Variants in CPT1A observed in about 807,000 individuals in gnomAD.
CPT1A encodes the protein carnitine palmitoyltransferase 1A.
A neutral mutation model predicts 100.8 loss-of-function variants in CPT1A; 64 were observed. That is an observed-to-expected ratio of 0.63 (90% CI 0.52 to 0.78). The LOEUF is 0.78. Among genes scored for constraint, CPT1A ranks in the 30% least tolerant of loss-of-function variants. CPT1A has a pLI of 0.00. For missense variants in CPT1A, 802 were observed against 1,034.1 expected (o/e 0.78, Z 3.08); for synonymous variants, 363 against 396.0 (o/e 0.92, Z 0.99).
chr11:68,822,031 C>T (rs968722150), intron 1 of CPT1A, among the ~76,000 whole-genome samples: 3 of 152,044 alleles, frequency 2.0e-5, no homozygotes, highest in Non-Finnish European at 4.4e-5. Context: ...CATGGCTGGT[C>T]AAATGGTGCA....
At chr11:68,834,191 C>T (rs1042397492) in intron 1 of CPT1A, among the ~76,000 whole-genome samples, 2 of 152,184 alleles carry the variant, frequency 1.3e-5, no homozygotes, top group Non-Finnish European at 2.9e-5. Flanking sequence ...AATCCCAGCA[C>T]TTTGGGAGGC....
intron 14 of CPT1A, among the ~76,000 whole-genome samples, chr11:68,768,172 T>G (rs1594322394): frequency 7.3e-6 from 1 of 137,792 alleles, no homozygotes; most frequent in South Asian, 2.5e-4. Flanking sequence ...GCCTCCCGGG[T>G]TCACGCCATT....
At chr11:68,791,547 T>G (rs1351235410) in intron 9 of CPT1A, among the ~76,000 whole-genome samples, 1 of 152,116 alleles carries the variant, frequency 6.6e-6, no homozygotes, top group Non-Finnish European at 1.5e-5. Context: ...TTCTTTTTTG[T>G]TTTTTTGAGA....
At position 68,785,024 on chromosome 11, in the gene CPT1A, AG is replaced by A; in HGVS notation, c.968-15del. ...GCTGGATGGTGTCTGAGCCGGCCGC[AG>A]GTTGGAGACACAAAACCAAGAGTCC... On this transcript the variant is annotated splice_polypyrimidine_tract_variant and intron_variant, in intron 9 of 18. Coordinates refer to ENST00000265641, the MANE Select transcript of CPT1A (RefSeq NM_001876.4). 1 of 1,612,584 alleles carries A rather than the reference AG, an allele frequency of 6.2e-7. No individual in the cohort carries two copies. The highest frequency in any genetic ancestry group is 8.5e-7 in the Non-Finnish European group (1 of 1,179,812).
intron 5 of CPT1A, 94 bp downstream of exon 5, chr11:68,803,906 G>A: frequency 2.0e-6 from 2 of 1,007,044 alleles, no homozygotes. Context: ...GGCTACTTGA[G>A]CCAAATGGCG....
rs34276531 is a variant in CPT1A, at chr11:68,824,248, C to CAAA, written c.-13-8764_-13-8762dup. ...GGGGGACAAGAGCAAAGCTCCATCT[C>CAAA]AAAAAAAAAAAAAAAAAAGAGAAAA... On this transcript the variant is annotated intron_variant, in intron 1 of 18. Transcript: ENST00000265641. 4.9e-3 allele frequency among the ~76,000 whole-genome samples: 336 copies of CAAA among 69,078 alleles called. 6 individuals are homozygous for CAAA. Among genetic ancestry groups the CAAA allele is most frequent in the Middle Eastern group, 0.042 (4 of 96 alleles). The allele number at this position is 69,078 out of a possible 152,430, so 45.3% of individuals were successfully genotyped here.
In CPT1A at chr11:68,829,113, G is replaced by A. The variant is rs542313826; in HGVS notation, c.-14+12662C>T. 9.8e-4 allele frequency among the ~76,000 whole-genome samples: 149 copies of A among 152,234 alleles called. 1 individual carries two copies. The highest frequency in any genetic ancestry group is 3.5e-3 in the African/African-American group (145 of 41,524). On this transcript the variant is annotated intron_variant, in intron 1 of 18. Coordinates refer to ENST00000265641, the MANE Select transcript of CPT1A (RefSeq NM_001876.4). Reference sequence around the variant, plus strand: ...CAGGGTTTCTCTTACTGAGAACGCCGGCACCTGCCCTGCCTGGGAAGAAGC... The same window carrying A: ...CAGGGTTTCTCTTACTGAGAACGCCAGCACCTGCCCTGCCTGGGAAGAAGC...
chr11:68,837,290 C>T (rs1284929220), intron 1 of CPT1A, among the ~76,000 whole-genome samples: 1 of 152,156 alleles, frequency 6.6e-6, no homozygotes, highest in African/African-American at 2.4e-5. Context: ...CCTCATGTTC[C>T]GCCCATCGTG....
In CPT1A at chr11:68,760,383, C is replaced by T. The variant is rs772674505; in HGVS notation, c.2029-45G>A. ...AATGTTTCCTAATCCCCTCCTCTACCGTCCCTCAGGAGTCGCTTTGGGAAG... is the reference window on the plus strand; with the variant it reads ...AATGTTTCCTAATCCCCTCCTCTACTGTCCCTCAGGAGTCGCTTTGGGAAG... On this transcript the variant is annotated intron_variant, in intron 16 of 18. Coordinates refer to ENST00000265641, the MANE Select transcript of CPT1A (RefSeq NM_001876.4). 26 of 1,482,936 alleles carry T rather than the reference C, an allele frequency of 1.8e-5. No homozygotes were observed. The Middle Eastern group carries it at 7.2e-4, about 41-fold the overall frequency. The allele number at this position is 1,482,936 out of a possible 1,614,324, so 91.9% of individuals were successfully genotyped here.
intron 7 of CPT1A, 77 bp from the exon 8 acceptor site, chr11:68,794,988 C>T: frequency 9.2e-7 from 1 of 1,082,278 alleles, no homozygotes; most frequent in Admixed American, 1.7e-5. Context: ...ACATCCTGCA[C>T]ACTGTCACAA....
chr11:68,838,066 C>T (rs1857054188), intron 1 of CPT1A, among the ~76,000 whole-genome samples: 1 of 152,094 alleles, frequency 6.6e-6, no homozygotes, highest in East Asian at 1.9e-4. Context: ...TGAAGCCTTC[C>T]TTTCTTAACA....
chr11:68,813,844 T>G (rs1020045298), intron 2 of CPT1A, among the ~76,000 whole-genome samples: 3 of 152,052 alleles, frequency 2.0e-5, no homozygotes, highest in African/African-American at 7.2e-5. Context: ...AGCTAGTGCC[T>G]CAGTGAAATC....
intron 14 of CPT1A, among the ~76,000 whole-genome samples, chr11:68,769,439 T>TA (rs1356837068): frequency 4.1e-5 from 6 of 148,106 alleles, no homozygotes; most frequent in African/African-American, 1.3e-4. Context: ...TTTGTACAGA[T>TA]AGAGTCTCCC....
chr11:68,838,567 CT>C (rs139306877), intron 1 of CPT1A, among the ~76,000 whole-genome samples: 89 of 3,036 alleles, frequency 0.029, 4 homozygotes, highest in Admixed American at 0.032. Flanking sequence ...GTATCTGCAC[CT>C]TTTTAAAAAA....
At chr11:68,768,334 C>A (rs2153996088) in intron 14 of CPT1A, among the ~76,000 whole-genome samples, 1 of 152,234 alleles carries the variant, frequency 6.6e-6, no homozygotes, top group Non-Finnish European at 1.5e-5. Context: ...CTCAGCCTCC[C>A]AAAGTGCTGG....
chr11:68,820,898 G>A (rs956687087), intron 1 of CPT1A, among the ~76,000 whole-genome samples: 1 of 152,090 alleles, frequency 6.6e-6, no homozygotes, highest in Non-Finnish European at 1.5e-5. Context: ...ATCTGAGGGG[G>A]ACTAGTTGCA....
At chr11:68,817,816 C>A (rs1352185805) in intron 1 of CPT1A, among the ~76,000 whole-genome samples, 1 of 130,498 alleles carries the variant, frequency 7.7e-6, no homozygotes, top group Admixed American at 7.6e-5. Context: ...GGCAGGGTGT[C>A]GGGTCAAAAG....
chr11:68,760,459 A>T, intron 16 of CPT1A, 121 bp from the exon 17 acceptor site: 6 of 673,334 alleles, frequency 8.9e-6, no homozygotes, highest in East Asian at 4.7e-5. Context: ...CCACAAGTCT[A>T]TGTCTCCAAA....
At chr11:68,799,144 T>TTATC in intron 6 of CPT1A, 74 bp downstream of exon 6, 2 of 1,399,418 alleles carry the variant, frequency 1.4e-6, no homozygotes, top group Non-Finnish European at 2.0e-6. Flanking sequence ...TTCAGCCCTG[T>TTATC]TATCCCTGCC....
Sources: allele counts gnomAD v4.1 joint callset (sites outside exome capture counted in the v4.1 genomes callset), GRCh38; gene constraint gnomAD v4.1.1; transcripts MANE v1.5; gene names NCBI Gene and HGNC (gene_info 2026-07-23, HGNC 2026-07-21).